Variants in COG5 observed in about 807,000 individuals in gnomAD.
COG5 encodes component of oligomeric golgi complex 5, also known as conserved oligomeric Golgi complex subunit 5.
In COG5, 86 loss-of-function variants were observed where a neutral mutation model predicts 110.4. That is an observed-to-expected ratio of 0.78 (90% CI 0.65 to 0.93). The LOEUF is 0.93. COG5 is among the 40% of genes least tolerant of loss of function. COG5 has a pLI of 0.00. For missense variants in COG5, 1,077 were observed against 987.0 expected (o/e 1.09, Z -1.22); for synonymous variants, 360 against 334.6 (o/e 1.08, Z -0.83).
At chr7:107,279,872 A>C (rs1320845632) in intron 14 of COG5, among the ~76,000 whole-genome samples, 4 of 152,264 alleles carry the variant, frequency 2.6e-5, no homozygotes, top group African/African-American at 9.6e-5. Context: ...TTTGATCAAC[A>C]GTATCAACTC....
At chr7:107,249,048 C>T (rs1177976170) in intron 16 of COG5, among the ~76,000 whole-genome samples, 1 of 152,094 alleles carries the variant, frequency 6.6e-6, no homozygotes, top group Non-Finnish European at 1.5e-5. Flanking sequence ...GGCACTAAGC[C>T]TAGTACCCAA....
chr7:107,210,462 C>T, intron 21 of COG5, 64 bp downstream of exon 21: 1 of 1,552,790 alleles, frequency 6.4e-7, no homozygotes, highest in South Asian at 1.2e-5. Flanking sequence ...TTCATCCTCT[C>T]TTGCATCCCC....
intron 17 of COG5, among the ~76,000 whole-genome samples, chr7:107,245,647 AG>A (rs1471715402): frequency 6.6e-6 from 1 of 152,238 alleles, no homozygotes; most frequent in Non-Finnish European, 1.5e-5. Context: ...CTAGGAATAC[AG>A]GTAACCAGGG....
intron 14 of COG5, among the ~76,000 whole-genome samples, chr7:107,276,528 T>C (rs1260101906): frequency 6.6e-6 from 1 of 152,066 alleles, no homozygotes; most frequent in African/African-American, 2.4e-5. Flanking sequence ...GAAAATTAGC[T>C]AGGCATGCTG....
chr7:107,445,068 G>C (rs1436153321), intron 6 of COG5, among the ~76,000 whole-genome samples: 5 of 151,824 alleles, frequency 3.3e-5, no homozygotes, highest in Admixed American at 6.6e-5. Context: ...CCAGCAACTT[G>C]GAAAGCTGAG....
intron 7 of COG5, among the ~76,000 whole-genome samples, chr7:107,387,447 A>G (rs2129055345): frequency 6.6e-6 from 1 of 152,374 alleles, no homozygotes; most frequent in Non-Finnish European, 1.5e-5. Flanking sequence ...CAGGAAGCCC[A>G]GGGCAAAATT....
intron 11 of COG5, among the ~76,000 whole-genome samples, chr7:107,312,176 T>TAA (rs112063071): frequency 0.18 from 27,396 of 152,160 alleles, 2,648 homozygotes; most frequent in Non-Finnish European, 0.22. Context: ...CTTTAGCTTA[T>TAA]GTCTGTTTTT....
chr7:107,511,702 C>G (rs1250039918), intron 6 of COG5, among the ~76,000 whole-genome samples: 8 of 152,316 alleles, frequency 5.3e-5, no homozygotes, highest in South Asian at 4.1e-4. Context: ...CTACCATGAT[C>G]AAGTGGGCTT....
At chr7:107,439,179 G>A (rs1794554887) in intron 6 of COG5, among the ~76,000 whole-genome samples, 2 of 152,134 alleles carry the variant, frequency 1.3e-5, no homozygotes, top group South Asian at 4.2e-4. Context: ...CATTCTTCCA[G>A]GAATGCTCCC....
At chr7:107,203,689 G>A in intron 21 of COG5, 59 bp from the exon 22 acceptor site, 2 of 1,058,836 alleles carry the variant, frequency 1.9e-6, no homozygotes, top group Non-Finnish European at 2.9e-6. Context: ...AAACAGTTAA[G>A]GGGATACCAA....
At chr7:107,303,213 T>C (rs570938367) in intron 11 of COG5, among the ~76,000 whole-genome samples, 3 of 151,804 alleles carry the variant, frequency 2.0e-5, no homozygotes, top group Non-Finnish European at 2.9e-5. Flanking sequence ...TCATGCCCAG[T>C]TGAATATGTT....
chr7:107,469,999 T>C (rs1406342049), intron 6 of COG5: 3 of 152,096 alleles, frequency 2.0e-5, no homozygotes, highest in Non-Finnish European at 4.4e-5. Context: ...AACTGACCAA[T>C]CAAAATTAGT....
chr7:107,465,184 T>C (rs190743569), intron 6 of COG5, among the ~76,000 whole-genome samples: 3 of 152,148 alleles, frequency 2.0e-5, no homozygotes, highest in Admixed American at 6.5e-5. Context: ...AAGTAAACTA[T>C]CTCTATTTGC....
intron 6 of COG5, among the ~76,000 whole-genome samples, chr7:107,468,660 G>A (rs1290619134): frequency 6.6e-6 from 1 of 151,994 alleles, no homozygotes; most frequent in Non-Finnish European, 1.5e-5. Flanking sequence ...AACTCATATT[G>A]GTCAGCTATT....
intron 10 of COG5, among the ~76,000 whole-genome samples, chr7:107,332,562 G>T (rs1204886197): frequency 6.6e-6 from 1 of 152,136 alleles, no homozygotes; most frequent in Non-Finnish European, 1.5e-5. Flanking sequence ...AGGGAGGAGA[G>T]ATTTAAGAAG....
intron 6 of COG5, among the ~76,000 whole-genome samples, chr7:107,460,461 T>G (rs1017472720): frequency 1.3e-5 from 2 of 151,922 alleles, no homozygotes; most frequent in Admixed American, 1.3e-4. Flanking sequence ...TCAGGAAAAT[T>G]AGAAAGCATA....
At chr7:107,335,036 C>A (rs1810587304) in intron 10 of COG5, among the ~76,000 whole-genome samples, 1 of 152,118 alleles carries the variant, frequency 6.6e-6, no homozygotes, top group South Asian at 2.1e-4. Flanking sequence ...TAAATTGATT[C>A]ACAGGTGTTT....
At chr7:107,448,930 T>C (rs1384469195) in intron 6 of COG5, among the ~76,000 whole-genome samples, 1 of 152,090 alleles carries the variant, frequency 6.6e-6, no homozygotes, top group Non-Finnish European at 1.5e-5. Flanking sequence ...CCATAAAATA[T>C]ACACAAATAT....
intron 11 of COG5, among the ~76,000 whole-genome samples, chr7:107,315,975 A>G (rs1384693431): frequency 1.3e-5 from 2 of 152,220 alleles, no homozygotes; most frequent in Non-Finnish European, 2.9e-5. Flanking sequence ...GTCCCATAAG[A>G]TAAGAACTGA....
Sources: allele counts gnomAD v4.1 joint callset (sites outside exome capture counted in the v4.1 genomes callset), GRCh38; gene constraint gnomAD v4.1.1; transcripts MANE v1.5; gene names NCBI Gene and HGNC (gene_info 2026-07-23, HGNC 2026-07-21).